VAV2: variants seen among roughly 807,000 people sequenced by gnomAD.
The protein encoded by VAV2 is vav guanine nucleotide exchange factor 2.
In VAV2, 67 loss-of-function variants were observed where a neutral mutation model predicts 132.5. The observed-to-expected ratio is 0.51, with a 90% CI of 0.42 to 0.62. The LOEUF (loss-of-function observed/expected upper bound fraction) is 0.62, where lower values mean the gene tolerates loss of function less well. VAV2 is among the 20% of genes least tolerant of loss of function. The probability of loss-of-function intolerance (pLI) is 0.00; values close to 1 mark genes in which losing one functional copy is unlikely to be tolerated. For missense variants in VAV2, 938 were observed against 1,153.6 expected (o/e 0.81, Z 2.71); for synonymous variants, 492 against 443.5 (o/e 1.11, Z -1.37).
rs544993353 is a variant in VAV2, at chr9:133,764,098, A to G, written c.2601T>C (p.Phe867=). Reference sequence around the variant, plus strand: ...CCTCCTCTTCTACGTACGTTGAAGGAAACCAGCCAATCTGAAAAAGATGGT... The same window carrying G: ...CCTCCTCTTCTACGTACGTTGAAGGGAACCAGCCAATCTGAAAAAGATGGT... ...KGETNGRIGW[F]PSTYVEEEGI... Residue 867 remains phenylalanine, a synonymous_variant, in exon 30 of 30, where the codon TTT becomes TTC. Coordinates refer to ENST00000371850, the MANE Select transcript of VAV2 (RefSeq NM_001134398.2). 626 of 1,613,868 alleles carry G rather than the reference A, an allele frequency of 3.9e-4. 5 individuals carry two copies. In the South Asian group the frequency reaches 6.3e-3, roughly 16 times the overall value.
chr9:133,782,024 G>A (rs1834026766), intron 19 of VAV2, among the ~76,000 whole-genome samples: 1 of 150,710 alleles, frequency 6.6e-6, no homozygotes, highest in South Asian at 2.2e-4. Flanking sequence ...GATAGGAGGA[G>A]TAGTTTTTCT....
intron 1 of VAV2, among the ~76,000 whole-genome samples, chr9:133,976,511 T>G (rs1461487164): frequency 1.3e-5 from 2 of 152,216 alleles, no homozygotes; most frequent in African/African-American, 4.8e-5. Context: ...AAACGAGGCC[T>G]TCATTCCCCA....
intron 7 of VAV2, among the ~76,000 whole-genome samples, chr9:133,807,687 T>C (rs1835205857): frequency 1.3e-5 from 2 of 152,184 alleles, no homozygotes; most frequent in Non-Finnish European, 2.9e-5. Context: ...GGGGACTCTC[T>C]GGATGGACAG....
chr9:133,828,547 G>A (rs530279070), intron 4 of VAV2, among the ~76,000 whole-genome samples: 13 of 152,334 alleles, frequency 8.5e-5, no homozygotes, highest in African/African-American at 2.9e-4. Context: ...CAGCAGTGCT[G>A]CCCCCTGCAG....
intron 2 of VAV2, among the ~76,000 whole-genome samples, chr9:133,866,075 T>G (rs1837786035): frequency 6.6e-6 from 1 of 152,068 alleles, no homozygotes; most frequent in Non-Finnish European, 1.5e-5. Flanking sequence ...CTGCCTCCAT[T>G]CCATCTCCCT....
In VAV2 at chr9:133,781,492, G is replaced by A. The variant is rs191121813; in HGVS notation, c.1724-782C>T. 6.3e-5 allele frequency among the ~76,000 whole-genome samples: 9 copies of A among 143,170 alleles called. 1 individual carries two copies. The highest frequency in any genetic ancestry group is 2.7e-4 in the African/African-American group (9 of 32,926). The allele number at this position is 143,170 out of a possible 152,430, so 93.9% of individuals were successfully genotyped here. On this transcript the variant is annotated intron_variant, in intron 19 of 29. Coordinates refer to ENST00000371850, the MANE Select transcript of VAV2 (RefSeq NM_001134398.2). ...AGCTCAGTGGGCAGGGGTCAGGGGTGGGGGGCAGCTGGACGGCAGCAATGA... is the reference window on the plus strand; with the variant it reads ...AGCTCAGTGGGCAGGGGTCAGGGGTAGGGGGCAGCTGGACGGCAGCAATGA...
intron 2 of VAV2, among the ~76,000 whole-genome samples, chr9:133,931,719 G>A (rs1024858608): frequency 6.6e-6 from 1 of 152,192 alleles, no homozygotes; most frequent in Non-Finnish European, 1.5e-5. Context: ...TGATCAACAG[G>A]GGAAGCGGGA....
intron 13 of VAV2, among the ~76,000 whole-genome samples, chr9:133,789,828 G>T (rs1834380829): frequency 6.6e-6 from 1 of 152,232 alleles, no homozygotes; most frequent in African/African-American, 2.4e-5. Flanking sequence ...TTGTCTGTCT[G>T]GTTTTGTCTC....
In VAV2 at chr9:133,797,813, G is replaced by A; in HGVS notation, c.837-4C>T. ...GTACTCCCCGTAGATCAGAAGCCTG[G>A]ACGGTGCACACACACGCACACACGC... On this transcript the variant is annotated splice_region_variant and splice_polypyrimidine_tract_variant and intron_variant, in intron 9 of 29. Transcript: ENST00000371850. 1.2e-6 allele frequency: 2 copies of A among 1,613,694 alleles called. No individual in the cohort carries two copies. The highest frequency in any genetic ancestry group is 2.2e-5 in the South Asian group (2 of 91,014).
rs947815557 is a variant in VAV2, at chr9:133,918,753, C to T, written c.321+20350G>A. 2.1e-5 allele frequency among the ~76,000 whole-genome samples: 3 copies of T among 143,138 alleles called. No individual in the cohort carries two copies. The highest frequency in any genetic ancestry group is 6.6e-5 in the Admixed American group (1 of 15,068). The allele number at this position is 143,138 out of a possible 152,430, so 93.9% of individuals were successfully genotyped here. On this transcript the variant is annotated intron_variant, in intron 2 of 29. Transcript: ENST00000371850. This position sits in a 1 kb window ranked among gnomAD's most constrained non-coding sequence, Gnocchi z 4.7. Reference sequence around the variant, plus strand: ...TCCTAAGCCTCCCAAGAAGCAGCCGCCATGTGTGTGTGTGTGTTTGTTTGT... The same window carrying T: ...TCCTAAGCCTCCCAAGAAGCAGCCGTCATGTGTGTGTGTGTGTTTGTTTGT...
At chr9:133,859,083 G>A (rs1837495955) in intron 3 of VAV2, among the ~76,000 whole-genome samples, 1 of 152,142 alleles carries the variant, frequency 6.6e-6, no homozygotes, top group South Asian at 2.1e-4. Flanking sequence ...AGGGGCCAGA[G>A]ACGTGGGGGA....
intron 15 of VAV2, among the ~76,000 whole-genome samples, chr9:133,787,827 A>AGGCCCCGCCCCAGCAGCCACC: frequency 6.8e-6 from 1 of 146,394 alleles, no homozygotes. Flanking sequence ...CAGCAGCCAC[A>AGGCCCCGCCCCAGCAGCCACC]GGCCCCACCC....
chr9:133,935,308 T>C lies in VAV2; in HGVS notation c.321+3795A>G, dbSNP rs1172003103. Among the ~76,000 whole-genome samples the C allele has an allele frequency of 6.6e-6, 1 of 152,076 alleles. No individual in the cohort carries two copies. ...CCGAAAAAATGAAAGGGGCATTCGC[T>C]CTTCATCTCTGTGGCCAGAGGGACC... On this transcript the variant is annotated intron_variant, in intron 2 of 29. Transcript: ENST00000371850. This position sits in a 1 kb window ranked among gnomAD's most constrained non-coding sequence, Gnocchi z 5.2.
chr9:133,781,062 G>A (rs73663837), intron 19 of VAV2, among the ~76,000 whole-genome samples: 4,802 of 152,324 alleles, frequency 0.032, 273 homozygotes, highest in African/African-American at 0.11. Context: ...GGCACTCAAA[G>A]GGGAGATTTC....
chr9:133,901,901 G>A lies in VAV2; in HGVS notation c.321+37202C>T, dbSNP rs114815054. On this transcript the variant is annotated intron_variant, in intron 2 of 29. Coordinates refer to ENST00000371850, the MANE Select transcript of VAV2 (RefSeq NM_001134398.2). ...GAGGGGGCTGGGGGTGGGGAGGACA[G>A]CTGCGCTCCAGAGGCCAAAGGAGAT... is the stretch of plus-strand genomic sequence containing the variant. 2.7e-3 allele frequency among the ~76,000 whole-genome samples: 408 copies of A among 152,344 alleles called. 2 individuals carry two copies. The highest frequency in any genetic ancestry group is 9.2e-3 in the African/African-American group (381 of 41,586).
Position 133,791,838 on chromosome 9 carries a change from C to G in VAV2, c.1133G>C (p.Arg378Pro). The change falls in exon 13 of 30, where the codon CGG (arginine) becomes CCG (proline). Residue 378 changes from arginine to proline, a missense_variant. Coordinates refer to ENST00000371850, the MANE Select transcript of VAV2 (RefSeq NM_001134398.2). The stretch of plus-strand genomic sequence containing the variant: ...GATTTTCCTCAAGGTCTCCTTGTCC[C>G]GTTTAACTTCATTGATGTACATCGC... ...DLAMYINEVK[R>P]DKETLRKISE... 1.9e-6 allele frequency: 3 copies of G among 1,613,112 alleles called. No individual in the cohort carries two copies. Among genetic ancestry groups the G allele is most frequent in the Non-Finnish European group, 2.5e-6 (3 of 1,179,736 alleles).
intron 2 of VAV2, among the ~76,000 whole-genome samples, chr9:133,915,635 C>T (rs79075354): frequency 0.069 from 10,525 of 152,184 alleles, 433 homozygotes; most frequent in East Asian, 0.18. Context: ...CATGTGCACA[C>T]GCACACGATG....
At chr9:133,770,236 G>C (rs1833570660) in intron 27 of VAV2, 142 bp downstream of exon 27, 4 of 1,340,272 alleles carry the variant, frequency 3.0e-6, no homozygotes, top group Non-Finnish European at 4.0e-6. Context: ...CATCTGCGAT[G>C]GCTGGGGGAG....
Position 133,826,970 on chromosome 9 carries a change from C to A in VAV2, c.449+7302G>T, listed in dbSNP as rs1462957947. Among the ~76,000 whole-genome samples, 1 of 152,172 alleles carries A rather than the reference C, an allele frequency of 6.6e-6. No homozygotes were observed. Among genetic ancestry groups the A allele is most frequent in the Non-Finnish European group, 1.5e-5 (1 of 68,028 alleles). ...CCCAATCCGGGTGCCCTTTCCAAAT[C>A]CTCCTCCATCAAGGCCTGGAAGCAT... is the stretch of plus-strand genomic sequence containing the variant. On this transcript the variant is annotated intron_variant, in intron 4 of 29. Transcript: ENST00000371850. This position sits in a 1 kb window ranked among gnomAD's most constrained non-coding sequence, Gnocchi z 4.2.
Sources: gnomAD v4.1 joint callset for allele counts (sites outside exome capture counted in the v4.1 genomes callset) on GRCh38, gnomAD v4.1.1 for gene constraint, Gnocchi (gnomAD v3.1) non-coding constraint, MANE v1.5 for transcripts, NCBI Gene and HGNC (gene_info 2026-07-23, HGNC 2026-07-21) for gene names.